Variants in PHLDB2 observed in about 807,000 individuals in gnomAD.
The protein encoded by PHLDB2 is pleckstrin homology like domain family B member 2, also known as pleckstrin homology-like domain family B member 2.
A neutral mutation model predicts 123.6 loss-of-function variants in PHLDB2; 71 were observed. That is an observed-to-expected ratio of 0.57 (90% CI 0.47 to 0.70). The LOEUF (loss-of-function observed/expected upper bound fraction) is 0.70, where lower values mean the gene tolerates loss of function less well. PHLDB2 is among the 30% of genes least tolerant of loss of function. PHLDB2 has a pLI of 0.00. For missense variants in PHLDB2, 1,446 were observed against 1,519.5 expected, an observed-to-expected ratio of 0.95 and a Z score of 0.80; for synonymous variants, 547 against 541.6, an observed-to-expected ratio of 1.01 and a Z score of -0.14.
At chr3:111,773,531 T>G (rs1007098655) in intron 1 of PHLDB2, among the ~76,000 whole-genome samples, 1 of 152,212 alleles carries the variant, frequency 6.6e-6, no homozygotes, top group Admixed American at 6.5e-5. Context: ...CACGATCTTA[T>G]GCTCTCTCAA....
Position 111,937,776 on chromosome 3 carries a change from TA to T in PHLDB2, c.2131-1688del, listed in dbSNP as rs892373135. On this transcript the variant is annotated intron_variant, in intron 6 of 17. Transcript: ENST00000431670. ...AGTGACAAAGCAAGACCCTGTCTTC[TA>T]AAAAAAAAAATTAAAAAAAAAAAAG... Among the ~76,000 whole-genome samples, 50 of 119,736 alleles carry T rather than the reference TA, an allele frequency of 4.2e-4. No homozygotes were observed. The South Asian group carries it at 5.8e-3, about 14-fold the overall frequency. The allele number at this position is 119,736 out of a possible 152,430, so 78.6% of individuals were successfully genotyped here.
intron 12 of PHLDB2, 96 bp downstream of exon 12, chr3:111,954,125 A>C (rs2070882575): frequency 8.9e-7 from 1 of 1,128,226 alleles, no homozygotes; most frequent in Admixed American, 2.2e-5. Flanking sequence ...TGATTAGAGG[A>C]GGGATCAACC....
intron 2 of PHLDB2, among the ~76,000 whole-genome samples, chr3:111,848,488 G>T (rs1363046725): frequency 2.0e-5 from 3 of 152,182 alleles, no homozygotes; most frequent in Non-Finnish European, 4.4e-5. Flanking sequence ...GGAGTAAAAA[G>T]CATAAGTGCT....
Position 111,962,102 on chromosome 3 carries a change from C to G in PHLDB2, c.2873-6C>G. On this transcript the variant is annotated splice_region_variant and splice_polypyrimidine_tract_variant and intron_variant, in intron 12 of 17. Transcript: ENST00000431670. Reference sequence around the variant, plus strand: ...CAAACTAACATATTTATGGCTCCTTCCTTAGGTTATAATCACCAACAGATG... The same window carrying G: ...CAAACTAACATATTTATGGCTCCTTGCTTAGGTTATAATCACCAACAGATG... The G allele has an allele frequency of 6.3e-7, 1 of 1,575,242 alleles. No homozygotes were observed. The highest frequency in any genetic ancestry group is 8.6e-7 in the Non-Finnish European group (1 of 1,169,218).
At chr3:111,803,668 C>G (rs954856906) in intron 1 of PHLDB2, among the ~76,000 whole-genome samples, 2 of 152,168 alleles carry the variant, frequency 1.3e-5, no homozygotes. Context: ...TTCTTACATT[C>G]ACTAATTACA....
intron 1 of PHLDB2, among the ~76,000 whole-genome samples, chr3:111,830,961 GAAAGAAAGAA>G (rs1559854980): frequency 2.1e-3 from 53 of 25,764 alleles, no homozygotes; most frequent in South Asian, 6.8e-3. Flanking sequence ...GAAAGAGAAA[GAAAGAAAGAA>G]AGAAAGAAAG....
intron 1 of PHLDB2, among the ~76,000 whole-genome samples, chr3:111,737,886 T>C (rs1268877267): frequency 6.6e-6 from 1 of 152,070 alleles, no homozygotes; most frequent in African/African-American, 2.4e-5. Flanking sequence ...GCCTACTTTG[T>C]GGTGATCTCA....
At position 111,734,666 on chromosome 3, in the gene PHLDB2, G is replaced by A. The variant is rs147805484; in HGVS notation, c.-49+1963G>A. On this transcript the variant is annotated intron_variant, in intron 1 of 17. Transcript: ENST00000393923. ...ATAGGCATTGTCATTGTTTTTCAAC[G>A]TTAGGTAGTTAGAATATAGAAGTTA... Among the ~76,000 whole-genome samples, 22 of 152,290 alleles carry A rather than the reference G, an allele frequency of 1.4e-4. No individual in the cohort carries two copies. In the East Asian group the frequency reaches 2.7e-3, roughly 19 times the overall value.
At chr3:111,781,525 A>G (rs1245591101) in intron 1 of PHLDB2, among the ~76,000 whole-genome samples, 1 of 152,142 alleles carries the variant, frequency 6.6e-6, no homozygotes, top group East Asian at 1.9e-4. Flanking sequence ...TCTCCCCAAT[A>G]ACAATGACTT....
chr3:111,944,876 T>C (rs1446773811), intron 8 of PHLDB2, among the ~76,000 whole-genome samples: 1 of 152,124 alleles, frequency 6.6e-6, no homozygotes, highest in African/African-American at 2.4e-5. Flanking sequence ...GGTTTCACCA[T>C]GTTAGCCAGG....
chr3:111,795,786 G>GTGAT (rs958285820), intron 1 of PHLDB2, among the ~76,000 whole-genome samples: 3 of 152,150 alleles, frequency 2.0e-5, no homozygotes, highest in African/African-American at 7.2e-5. Context: ...GTGCAATGAT[G>GTGAT]TGATCTAGGC....
At chr3:111,818,153 T>G (rs113254265) in intron 1 of PHLDB2, among the ~76,000 whole-genome samples, 394 of 139,728 alleles carry the variant, frequency 2.8e-3, no homozygotes, top group African/African-American at 9.9e-3. Flanking sequence ...AAAAGAAATT[T>G]TTTAAAAAAC....
chr3:111,932,366 T>C lies in PHLDB2; in HGVS notation c.2099T>C (p.Met700Thr), dbSNP rs1393303982. Reference sequence around the variant, plus strand: ...CAGCTGGACAATTGTCCTGAGTCCATGAGGGAACAGTTACAACAACAACTG... The same window carrying C: ...CAGCTGGACAATTGTCCTGAGTCCACGAGGGAACAGTTACAACAACAACTG... Reference protein sequence around the residue: ...KTQLDNCPESMREQLQQQLKR... With the variant: ...KTQLDNCPESTREQLQQQLKR... Residue 700 changes from methionine to threonine, a missense_variant, in exon 6 of 18, where the codon ATG (methionine) becomes ACG (threonine). By Grantham distance (81) the Met-to-Thr change is moderately conservative (BLOSUM62 -1). Transcript: ENST00000431670. 6.4e-6 allele frequency: 10 copies of C among 1,551,680 alleles called. No homozygotes were observed. Among genetic ancestry groups the C allele is most frequent in the South Asian group, 1.2e-5 (1 of 83,976 alleles).
intron 1 of PHLDB2, among the ~76,000 whole-genome samples, chr3:111,826,733 G>A (rs779362758): frequency 1.2e-4 from 18 of 152,180 alleles, no homozygotes; most frequent in Admixed American, 7.2e-4. Context: ...TCTGCCAGGG[G>A]AGGTGTAGTC....
At chr3:111,749,907 C>T (rs2107959576) in intron 1 of PHLDB2, among the ~76,000 whole-genome samples, 1 of 152,290 alleles carries the variant, frequency 6.6e-6, no homozygotes, top group African/African-American at 2.4e-5. Context: ...TAATTTTTTT[C>T]TGGCATGTAG....
intron 12 of PHLDB2, chr3:111,960,175 T>C: frequency 5.7e-6 from 5 of 877,644 alleles, no homozygotes; most frequent in Non-Finnish European, 6.8e-6. Flanking sequence ...AGTTCAAGTA[T>C]CAAAGGTAAA....
At position 111,975,392 on chromosome 3, in the gene PHLDB2, G is replaced by A. The variant is rs375729597; in HGVS notation, c.*829G>A. 2.0e-5 allele frequency: 3 copies of A among 152,306 alleles called. No individual in the cohort carries two copies. The highest frequency in any genetic ancestry group is 6.5e-5 in the Admixed American group (1 of 15,302). 9.4% of individuals were successfully genotyped at this position (152,306 alleles called of 1,614,324 possible). On this transcript the variant is annotated 3_prime_UTR_variant, in exon 18 of 18. Coordinates refer to ENST00000431670, the MANE Select transcript of PHLDB2 (RefSeq NM_001134438.2). ...AGAGAATATCTGGTGTTAGGAGCTT[G>A]TTTTGCTGAAGATTTCTCCATTCCT... is the stretch of plus-strand genomic sequence containing the variant.
At chr3:111,804,177 T>TA (rs2061485357) in intron 1 of PHLDB2, among the ~76,000 whole-genome samples, 1 of 152,186 alleles carries the variant, frequency 6.6e-6, no homozygotes, top group South Asian at 2.1e-4. Context: ...ATTAAAATAG[T>TA]AAGAAAATGT....
intron 1 of PHLDB2, among the ~76,000 whole-genome samples, chr3:111,799,877 G>A (rs1378592228): frequency 6.6e-6 from 1 of 152,144 alleles, no homozygotes; most frequent in Non-Finnish European, 1.5e-5. Context: ...AATATGGGAG[G>A]AGGTCTAAAA....
Sources: allele counts gnomAD v4.1 joint callset (sites outside exome capture counted in the v4.1 genomes callset), GRCh38; gene constraint gnomAD v4.1.1; transcripts MANE v1.5; gene names NCBI Gene and HGNC (gene_info 2026-07-23, HGNC 2026-07-21).